CLCA1: variants seen among roughly 807,000 people sequenced by gnomAD.
CLCA1 encodes the protein calcium-activated chloride channel regulator 1.
In CLCA1, 59 loss-of-function variants were observed where a neutral mutation model predicts 85.6. The observed-to-expected ratio is 0.69, with a 90% CI of 0.56 to 0.86. CLCA1 has a LOEUF of 0.86. Ranked by LOEUF, CLCA1 falls within the 40% of genes least tolerant of loss-of-function variation. The pLI, the probability that CLCA1 is intolerant of heterozygous loss-of-function variation, is 0.00. For missense variants in CLCA1, 1,022 were observed against 1,101.4 expected (o/e 0.93, Z 1.02); for synonymous variants, 396 against 398.3 (o/e 0.99, Z 0.07).
chr1:86,491,016 A>G (rs1419801289), intron 8 of CLCA1, among the ~76,000 whole-genome samples: 3 of 152,114 alleles, frequency 2.0e-5, no homozygotes, highest in African/African-American at 7.2e-5. Context: ...TGGAGGTTGC[A>G]GTGAGCCAGG....
In CLCA1 at chr1:86,500,002, T is replaced by G; in HGVS notation, c.2702T>G (p.Ile901Ser). 6.2e-7 allele frequency: 1 copy of G among 1,612,896 alleles called. No homozygotes were observed. The highest frequency in any genetic ancestry group is 8.5e-7 in the Non-Finnish European group (1 of 1,178,956). ...STIPGIHILK[I>S]MWKWIGELQL... Reference sequence around the variant, plus strand: ...ATTCCTGGCATTCACATTTTAAAAATTATGTGGAAGTGGATAGGAGAACTG... The same window carrying G: ...ATTCCTGGCATTCACATTTTAAAAAGTATGTGGAAGTGGATAGGAGAACTG... Residue 901 changes from isoleucine (I) to serine (S), a missense_variant, in exon 14 of 14, where the codon ATT becomes AGT. Coordinates refer to ENST00000394711, the MANE Select transcript of CLCA1 (RefSeq NM_001285.4).
At chr1:86,489,201 T>C (rs1294777474) in intron 8 of CLCA1, 31 bp downstream of exon 8, 3 of 1,597,640 alleles carry the variant, frequency 1.9e-6, no homozygotes, top group Admixed American at 3.4e-5. Flanking sequence ...ACCCCCGGTA[T>C]TGTCTCTCCT....
intron 4 of CLCA1, among the ~76,000 whole-genome samples, chr1:86,477,266 G>A (rs114455787): frequency 2.7e-3 from 413 of 152,232 alleles, no homozygotes; most frequent in African/African-American, 9.4e-3. Flanking sequence ...CACCATGCCC[G>A]GCCCAGAATG....
In CLCA1 at chr1:86,489,145, A is replaced by T; in HGVS notation, c.1332A>T (p.Glu444Asp). 1 of 1,614,030 alleles carries T rather than the reference A, an allele frequency of 6.2e-7. No homozygotes were observed. Among genetic ancestry groups the T allele is most frequent in the Non-Finnish European group, 8.5e-7 (1 of 1,179,974 alleles). Residue 444 changes from glutamate (E) to aspartate (D), a missense_variant, in exon 8 of 14, where the codon GAA (glutamate) becomes GAT (aspartate). Glu to Asp is a conservative substitution (Grantham distance 45, BLOSUM62 2). Transcript: ENST00000394711. ...CTTTGGGGCCCTCTGCAGCTCAAGAACTAGAGGAGCTGTCCAAAATGACAG... is the reference window on the plus strand; with the variant it reads ...CTTTGGGGCCCTCTGCAGCTCAAGATCTAGAGGAGCTGTCCAAAATGACAG... ...TVALGPSAAQ[E>D]LEELSKMTGG...
chr1:86,490,899 TAA>T (rs59948810), intron 8 of CLCA1, among the ~76,000 whole-genome samples: 3 of 89,700 alleles, frequency 3.3e-5, no homozygotes, highest in South Asian at 3.8e-4. Context: ...AACCCATCTC[TAA>T]AAAAAAAAAA....
chr1:86,490,417 A>C (rs1648103270), intron 8 of CLCA1, among the ~76,000 whole-genome samples: 2 of 152,232 alleles, frequency 1.3e-5, no homozygotes, highest in African/African-American at 2.4e-5. Flanking sequence ...TAAATAGCCC[A>C]GGACTGCCTG....
At chr1:86,475,335 C>G (rs893257151) in intron 3 of CLCA1, among the ~76,000 whole-genome samples, 2 of 152,162 alleles carry the variant, frequency 1.3e-5, no homozygotes, top group African/African-American at 2.4e-5. Flanking sequence ...CTCACATAAC[C>G]CTCCAAATTC....
At chr1:86,492,321 C>G (rs1474651770) in intron 9 of CLCA1, among the ~76,000 whole-genome samples, 1 of 152,094 alleles carries the variant, frequency 6.6e-6, no homozygotes, top group Non-Finnish European at 1.5e-5. Flanking sequence ...AATGCAAGGG[C>G]CTGCTTTGGA....
chr1:86,486,102 C>CA (rs1272218724), intron 6 of CLCA1, among the ~76,000 whole-genome samples: 1 of 151,930 alleles, frequency 6.6e-6, no homozygotes, highest in African/African-American at 2.4e-5. Flanking sequence ...CGTCAGAACT[C>CA]ACTCACTGTA....
rs765383297 is a variant in CLCA1, at chr1:86,473,481, A to G, written c.227A>G (p.Asn76Ser). 1 of 1,610,384 alleles carries G rather than the reference A, an allele frequency of 6.2e-7. No individual in the cohort carries two copies. The highest frequency in any genetic ancestry group is 1.7e-5 in the Admixed American group (1 of 60,006). ...EATGKRFYFK[N>S]VAILIPETWK... Reference sequence around the variant, plus strand: ...ACAGGAAAGCGATTTTATTTCAAAAATGTTGCCATTTTGATTCCTGAAACA... The same window carrying G: ...ACAGGAAAGCGATTTTATTTCAAAAGTGTTGCCATTTTGATTCCTGAAACA... The change falls in exon 2 of 14, where the codon AAT becomes AGT. Residue 76 changes from asparagine to serine, a missense_variant. Asn to Ser is a conservative substitution (Grantham distance 46). Coordinates refer to ENST00000394711, the MANE Select transcript of CLCA1 (RefSeq NM_001285.4).
At chr1:86,494,499 C>T (rs372079443) in intron 11 of CLCA1, 51 bp downstream of exon 11, 107 of 1,591,432 alleles carry the variant, frequency 6.7e-5, no homozygotes, top group Non-Finnish European at 8.9e-5. Flanking sequence ...CAAGAAGCAA[C>T]CAGGGAATGC....
chr1:86,475,819 C>T (rs1478298392), intron 3 of CLCA1, among the ~76,000 whole-genome samples: 1 of 152,102 alleles, frequency 6.6e-6, no homozygotes. Flanking sequence ...TGGAGAACAG[C>T]AAGAAATAAG....
At chr1:86,494,120 G>T in intron 10 of CLCA1, 67 bp from the exon 11 acceptor site, 1 of 1,570,920 alleles carries the variant, frequency 6.4e-7, no homozygotes, top group South Asian at 1.1e-5. Context: ...TCCCGTACGT[G>T]ACATTGAAGT....
intron 8 of CLCA1, 68 bp from the exon 9 acceptor site, chr1:86,491,197 C>A: frequency 8.8e-7 from 1 of 1,136,092 alleles, no homozygotes; most frequent in Non-Finnish European, 1.3e-6. Context: ...GCTCTCTAAA[C>A]AACAGCTAAA....
At chr1:86,494,823 A>G (rs1401529976) in intron 11 of CLCA1, among the ~76,000 whole-genome samples, 1 of 152,242 alleles carries the variant, frequency 6.6e-6, no homozygotes, top group Non-Finnish European at 1.5e-5. Flanking sequence ...ACACAAATAC[A>G]TATATACAAA....
At position 86,470,285 on chromosome 1, in the gene CLCA1, G is replaced by C. The variant is rs568840367; in HGVS notation, c.162+1152G>C. Among the ~76,000 whole-genome samples, 8 of 152,324 alleles carry C rather than the reference G, an allele frequency of 5.3e-5. No homozygotes were observed. In the South Asian group the frequency reaches 6.2e-4, roughly 12 times the overall value. On this transcript the variant is annotated intron_variant, in intron 1 of 13. Coordinates refer to ENST00000394711, the MANE Select transcript of CLCA1 (RefSeq NM_001285.4). ...AGTGGAGGGTGTCACTCACCATAAAGCTTACCTACTTAACCCAAAGAGGAT... is the reference window on the plus strand; with the variant it reads ...AGTGGAGGGTGTCACTCACCATAAACCTTACCTACTTAACCCAAAGAGGAT...
At chr1:86,488,427 G>C (rs140416703) in intron 7 of CLCA1, among the ~76,000 whole-genome samples, 1 of 152,284 alleles carries the variant, frequency 6.6e-6, no homozygotes, top group East Asian at 1.9e-4. Flanking sequence ...AGGTGTCACA[G>C]AACAACTAGG....
chr1:86,494,115 T>C, intron 10 of CLCA1, 72 bp from the exon 11 acceptor site: 2 of 1,547,634 alleles, frequency 1.3e-6, no homozygotes, highest in Non-Finnish European at 1.8e-6. Flanking sequence ...GGTTTTCCCG[T>C]ACGTGACATT....
intron 11 of CLCA1, among the ~76,000 whole-genome samples, 190 bp downstream of exon 11, chr1:86,494,638 G>C (rs1411179200): frequency 6.6e-6 from 1 of 152,172 alleles, no homozygotes; most frequent in Non-Finnish European, 1.5e-5. Flanking sequence ...GAGGGCTTCT[G>C]CAAGGCCCAA....
Sources: allele counts gnomAD v4.1 joint callset (sites outside exome capture counted in the v4.1 genomes callset), GRCh38; gene constraint gnomAD v4.1.1; transcripts MANE v1.5; gene names NCBI Gene and HGNC (gene_info 2026-07-23, HGNC 2026-07-21).